The following VAV2 variants were observed in gnomAD, a reference collection of about 807,000 sequenced individuals.
VAV2 encodes the protein guanine nucleotide exchange factor VAV2.
Under a neutral mutation model 132.5 loss-of-function variants are expected in VAV2, and 67 were observed. The observed-to-expected ratio is 0.51, with a 90% CI of 0.42 to 0.62. The LOEUF (loss-of-function observed/expected upper bound fraction) is 0.62. Ranked by LOEUF, VAV2 falls within the 20% of genes least tolerant of loss-of-function variation. The probability of loss-of-function intolerance (pLI) is 0.00; values close to 1 mark genes in which losing one functional copy is unlikely to be tolerated. For synonymous variants in VAV2, 492 were observed against 443.5 expected (o/e 1.11, Z -1.37); for missense variants, 938 against 1,153.6 (o/e 0.81, Z 2.71).
At chr9:133,874,045 TGAG>T (rs1174073545) in intron 2 of VAV2, among the ~76,000 whole-genome samples, 2 of 152,296 alleles carry the variant, frequency 1.3e-5, no homozygotes, top group Admixed American at 6.5e-5. Flanking sequence ...CTCCCCTTTC[TGAG>T]GAGGAGTCAC....
At chr9:133,838,723 G>A (rs1447970711) in intron 3 of VAV2, among the ~76,000 whole-genome samples, 2 of 145,492 alleles carry the variant, frequency 1.4e-5, no homozygotes, top group East Asian at 2.1e-4. Context: ...TGATGGATGG[G>A]TGGGTGGATG....
At chr9:133,975,876 ACTT>A (rs1180306383) in intron 1 of VAV2, among the ~76,000 whole-genome samples, 1 of 152,080 alleles carries the variant, frequency 6.6e-6, no homozygotes, top group African/African-American at 2.4e-5. Flanking sequence ...ACCCTCCCAC[ACTT>A]CTTCTCTTGT....
At chr9:133,778,045 G>A (rs145520160) in intron 22 of VAV2, among the ~76,000 whole-genome samples, 136 of 152,244 alleles carry the variant, frequency 8.9e-4, no homozygotes, top group African/African-American at 3.2e-3. Flanking sequence ...CCGAGGACTG[G>A]GGGTCTGAGT....
At chr9:133,913,777 C>T (rs910324762) in intron 2 of VAV2, among the ~76,000 whole-genome samples, 2 of 152,178 alleles carry the variant, frequency 1.3e-5, no homozygotes, top group Non-Finnish European at 2.9e-5. Flanking sequence ...CAGTGAGCCT[C>T]GGGGCCGGCT....
In VAV2 at chr9:133,991,165, G is replaced by A. The variant is rs1432075128; in HGVS notation, c.204+910C>T. Among the ~76,000 whole-genome samples the A allele has an allele frequency of 1.3e-5, 2 of 152,136 alleles. No homozygotes were observed. The highest frequency in any genetic ancestry group is 2.9e-5 in the Non-Finnish European group (2 of 68,020). ...AGACCGCACCTCCTCGGCGCTGGGTGGACCCGGCTGCCACCCGCTCTGCCT... is the reference window on the plus strand; with the variant it reads ...AGACCGCACCTCCTCGGCGCTGGGTAGACCCGGCTGCCACCCGCTCTGCCT... On this transcript the variant is annotated intron_variant, in intron 1 of 29. Coordinates refer to ENST00000371850, the MANE Select transcript of VAV2 (RefSeq NM_001134398.2). The surrounding 1 kb of genome is among the most constrained non-coding windows in gnomAD (Gnocchi z 4.8).
intron 29 of VAV2, among the ~76,000 whole-genome samples, chr9:133,765,980 T>C (rs1833418561): frequency 6.6e-6 from 1 of 152,184 alleles, no homozygotes; most frequent in Admixed American, 6.5e-5. Context: ...AATGTGAATA[T>C]TTAAAAAGAA....
intron 2 of VAV2, among the ~76,000 whole-genome samples, chr9:133,892,137 C>CG (rs975020996): frequency 1.2e-5 from 1 of 84,944 alleles, no homozygotes; most frequent in Non-Finnish European, 2.2e-5. Context: ...GACCCAAGGG[C>CG]GGGGTGGGGG....
chr9:133,960,202 A>C (rs899982017), intron 1 of VAV2, among the ~76,000 whole-genome samples: 3 of 152,214 alleles, frequency 2.0e-5, no homozygotes, highest in African/African-American at 7.2e-5. Flanking sequence ...GATCCCAGCA[A>C]GACAACGCGT....
At chr9:133,784,525 T>C in intron 17 of VAV2, 107 bp from the exon 18 acceptor site, 3 of 1,223,550 alleles carry the variant, frequency 2.5e-6, no homozygotes, top group Admixed American at 1.7e-5. Flanking sequence ...CTGTGCAGAA[T>C]CCGAGAGGGC....
chr9:133,974,395 G>A lies in VAV2; in HGVS notation c.204+17680C>T, dbSNP rs540194008. 1.2e-4 allele frequency among the ~76,000 whole-genome samples: 18 copies of A among 152,290 alleles called. No homozygotes were observed. The East Asian group carries it at 2.3e-3, about 20-fold the overall frequency. ...CCTCCCCTTGAGGCAGCCACTCGCC[G>A]GGTGGGAGTGGACGTCAGGTGAGGT... On this transcript the variant is annotated intron_variant, in intron 1 of 29. Coordinates refer to ENST00000371850, the MANE Select transcript of VAV2 (RefSeq NM_001134398.2).
chr9:133,869,735 C>G (rs1419515193), intron 2 of VAV2, among the ~76,000 whole-genome samples: 1 of 152,248 alleles, frequency 6.6e-6, no homozygotes, highest in African/African-American at 2.4e-5. Context: ...CTGGCCCCGA[C>G]CCTCCGACTG....
rs1301169658 is a variant in VAV2 at position 133,763,987 on chromosome 9, A to G, written c.*75T>C. On this transcript the variant is annotated 3_prime_UTR_variant, in exon 30 of 30. Transcript: ENST00000371850. This position sits in a 1 kb window ranked among gnomAD's most constrained non-coding sequence, Gnocchi z 6.8. ...TTGGTATTTCCCCTCTGAGTCACAGAGGAGCTAGAGACAGACTTCAGGGCT... is the reference window on the plus strand; with the variant it reads ...TTGGTATTTCCCCTCTGAGTCACAGGGGAGCTAGAGACAGACTTCAGGGCT... The G allele has an allele frequency of 1.9e-6, 3 of 1,561,926 alleles. No homozygotes were observed. Among genetic ancestry groups the G allele is most frequent in the South Asian group, 2.2e-5 (2 of 89,788 alleles).
At chr9:133,931,101 C>G (rs1285830162) in intron 2 of VAV2, among the ~76,000 whole-genome samples, 2 of 152,194 alleles carry the variant, frequency 1.3e-5, no homozygotes, top group East Asian at 1.9e-4. Context: ...TTCCTGGGGC[C>G]AGGCAGGGTG....
chr9:133,970,142 G>T (rs1472319775), intron 1 of VAV2, among the ~76,000 whole-genome samples: 1 of 152,060 alleles, frequency 6.6e-6, no homozygotes, highest in Non-Finnish European at 1.5e-5. Flanking sequence ...GACTCTGCAG[G>T]ACTCCTTGAA....
At position 133,791,314 on chromosome 9, in the gene VAV2, G is replaced by A. The variant is rs532092174; in HGVS notation, c.1188+469C>T. Among the ~76,000 whole-genome samples, 677 of 152,142 alleles carry A rather than the reference G, an allele frequency of 4.4e-3. 4 individuals carry two copies. Among genetic ancestry groups the A allele is most frequent in the African/African-American group, 0.015 (618 of 41,482 alleles). On this transcript the variant is annotated intron_variant, in intron 13 of 29. Transcript: ENST00000371850. ...CCTGCCTGATGGGGTCCGAGGAGCA[G>A]AGGCGACTGCCGGCCCCACCGAGCC...
chr9:133,926,556 C>G lies in VAV2; in HGVS notation c.321+12547G>C, dbSNP rs554835676. On this transcript the variant is annotated intron_variant, in intron 2 of 29. Transcript: ENST00000371850. The surrounding 1 kb of genome is among the most constrained non-coding windows in gnomAD (Gnocchi z 4.3). ...CCAGTCTCCTACTCCAAGCAGACCTCCCTTCTAAACCTGAGCAGGCCAGGC... is the reference window on the plus strand; with the variant it reads ...CCAGTCTCCTACTCCAAGCAGACCTGCCTTCTAAACCTGAGCAGGCCAGGC... 1.3e-5 allele frequency among the ~76,000 whole-genome samples: 2 copies of G among 152,264 alleles called. No individual in the cohort carries two copies. The highest frequency in any genetic ancestry group is 3.9e-4 in the East Asian group (2 of 5,182).
At chr9:133,903,709 G>T (rs1213432673) in intron 2 of VAV2, among the ~76,000 whole-genome samples, 2 of 152,242 alleles carry the variant, frequency 1.3e-5, no homozygotes, top group South Asian at 4.2e-4. Flanking sequence ...TCTCACAAGC[G>T]TGGGCGTCAC....
At chr9:133,945,692 G>A (rs1841334267) in intron 1 of VAV2, among the ~76,000 whole-genome samples, 1 of 152,182 alleles carries the variant, frequency 6.6e-6, no homozygotes, top group Non-Finnish European at 1.5e-5. Flanking sequence ...CCCAAGCTGG[G>A]GTCTCCAGAT....
At chr9:133,897,432 C>T (rs1839257097) in intron 2 of VAV2, among the ~76,000 whole-genome samples, 1 of 152,144 alleles carries the variant, frequency 6.6e-6, no homozygotes, top group Non-Finnish European at 1.5e-5. Context: ...TCCCTCAAGA[C>T]ATCTTCCACC....
Sources: allele counts gnomAD v4.1 joint callset (sites outside exome capture counted in the v4.1 genomes callset), GRCh38; gene constraint gnomAD v4.1.1; non-coding constraint Gnocchi (gnomAD v3.1); transcripts MANE v1.5; gene names NCBI Gene and HGNC (gene_info 2026-07-23, HGNC 2026-07-21).